Variants in GSK3B observed in about 807,000 individuals in gnomAD.
GSK3B encodes the protein glycogen synthase kinase 3 beta.
In GSK3B, 15 loss-of-function variants were observed where a neutral mutation model predicts 56.4. That is an observed-to-expected ratio of 0.27 (90% CI 0.18 to 0.41). GSK3B has a LOEUF of 0.41. GSK3B is among the 10% of genes least tolerant of loss of function. GSK3B has a pLI of 1.00. For missense variants in GSK3B, 300 were observed against 513.4 expected, an observed-to-expected ratio of 0.58 and a Z score of 4.02; for synonymous variants, 181 against 188.9, an observed-to-expected ratio of 0.96 and a Z score of 0.34.
intron 2 of GSK3B, among the ~76,000 whole-genome samples, chr3:119,994,726 T>C (rs1026171842): frequency 3.9e-5 from 6 of 152,264 alleles, no homozygotes; most frequent in African/African-American, 1.2e-4. Context: ...TCCTATACTG[T>C]TCAAAAACAT....
At chr3:119,831,539 C>A (rs1481406556) in intron 10 of GSK3B, among the ~76,000 whole-genome samples, 1 of 151,758 alleles carries the variant, frequency 6.6e-6, no homozygotes, top group African/African-American at 2.4e-5. Context: ...CGCCTGTAGT[C>A]CCAGCTATTC....
At chr3:119,950,921 T>C (rs771732533) in intron 2 of GSK3B, among the ~76,000 whole-genome samples, 32 of 152,174 alleles carry the variant, frequency 2.1e-4, no homozygotes, top group Non-Finnish European at 3.8e-4. Flanking sequence ...CAGAGGGCTA[T>C]GGTCATTTAG....
intron 4 of GSK3B, among the ~76,000 whole-genome samples, chr3:119,921,656 T>C (rs561837218): frequency 6.6e-6 from 1 of 152,230 alleles, no homozygotes; most frequent in South Asian, 2.1e-4. Flanking sequence ...AGAGAACCTA[T>C]GGATTAAAAG....
intron 10 of GSK3B, among the ~76,000 whole-genome samples, chr3:119,831,754 A>G (rs1483203646): frequency 2.0e-5 from 3 of 152,232 alleles, no homozygotes; most frequent in East Asian, 3.8e-4. Flanking sequence ...GTACAGAGAT[A>G]TAAGTGCTCT....
At chr3:120,006,481 C>A (rs6796550) in intron 1 of GSK3B, among the ~76,000 whole-genome samples, 2 of 151,980 alleles carry the variant, frequency 1.3e-5, no homozygotes, top group African/African-American at 4.8e-5. Context: ...GCACCACATC[C>A]CACTTATTCT....
intron 10 of GSK3B, among the ~76,000 whole-genome samples, chr3:119,839,120 T>C (rs1559802858): frequency 6.6e-6 from 1 of 152,228 alleles, no homozygotes; most frequent in South Asian, 2.1e-4. Flanking sequence ...TTCCCAGAAT[T>C]AGCACAGTAT....
intron 1 of GSK3B, among the ~76,000 whole-genome samples, chr3:120,042,349 A>G (rs1304591060): frequency 6.6e-6 from 1 of 152,196 alleles, no homozygotes; most frequent in East Asian, 1.9e-4. Flanking sequence ...AACCTGCATC[A>G]AAGGACTCAT....
intron 2 of GSK3B, among the ~76,000 whole-genome samples, chr3:119,953,425 T>C (rs1056820596): frequency 2.0e-5 from 3 of 151,948 alleles, no homozygotes; most frequent in African/African-American, 2.4e-5. Context: ...CTATAATCTA[T>C]CCCTAGGAAT....
At chr3:119,922,145 G>A (rs867263514) in intron 4 of GSK3B, among the ~76,000 whole-genome samples, 46 of 150,050 alleles carry the variant, frequency 3.1e-4, no homozygotes, top group African/African-American at 1.1e-3. Flanking sequence ...AGGAAGGAAG[G>A]AAGGAGGTAG....
At chr3:119,978,904 A>T (rs562424121) in intron 2 of GSK3B, among the ~76,000 whole-genome samples, 17 of 152,306 alleles carry the variant, frequency 1.1e-4, no homozygotes, top group Admixed American at 3.3e-4. Flanking sequence ...TCTCAGCTTG[A>T]TGACTGTCCT....
intron 3 of GSK3B, among the ~76,000 whole-genome samples, chr3:119,939,754 T>C (rs1445478634): frequency 6.6e-6 from 1 of 152,116 alleles, no homozygotes; most frequent in Non-Finnish European, 1.5e-5. Context: ...CATCCAGGTT[T>C]CTTATTTTAA....
chr3:120,081,283 G>A (rs1024054397), intron 1 of GSK3B, among the ~76,000 whole-genome samples: 3 of 150,534 alleles, frequency 2.0e-5, no homozygotes, highest in Non-Finnish European at 3.0e-5. Flanking sequence ...GGTCGGGCAC[G>A]GTGGCTCACA....
intron 7 of GSK3B, among the ~76,000 whole-genome samples, chr3:119,881,218 C>A (rs987240098): frequency 6.6e-6 from 1 of 152,136 alleles, no homozygotes; most frequent in Non-Finnish European, 1.5e-5. Flanking sequence ...ATGCACACAA[C>A]ATGACTGCCT....
chr3:120,076,174 G>A (rs1576312416), intron 1 of GSK3B, among the ~76,000 whole-genome samples: 1 of 152,092 alleles, frequency 6.6e-6, no homozygotes, highest in Non-Finnish European at 1.5e-5. Context: ...TAATGAAACT[G>A]AATCCTCATC....
At chr3:120,027,786 G>A (rs11919783) in intron 1 of GSK3B, among the ~76,000 whole-genome samples, 12,990 of 152,176 alleles carry the variant, frequency 0.085, 689 homozygotes, top group Non-Finnish European at 0.11. Flanking sequence ...GTTTTCTCTA[G>A]ATAGTGAGAA....
At chr3:120,030,601 C>G (rs1350934800) in intron 1 of GSK3B, among the ~76,000 whole-genome samples, 1 of 152,182 alleles carries the variant, frequency 6.6e-6, no homozygotes, top group African/African-American at 2.4e-5. Flanking sequence ...CACCTCAGGA[C>G]TTTTTCACAT....
At chr3:120,041,322 G>A (rs558063338) in intron 1 of GSK3B, 45 of 302,448 alleles carry the variant, frequency 1.5e-4, no homozygotes, top group South Asian at 1.0e-3. Flanking sequence ...TATATCCACC[G>A]GCATTTATTG....
At chr3:119,911,065 T>C (rs892477999) in intron 6 of GSK3B, among the ~76,000 whole-genome samples, 1 of 152,154 alleles carries the variant, frequency 6.6e-6, no homozygotes, top group African/African-American at 2.4e-5. Flanking sequence ...TCCAAAATGT[T>C]GTTCATGTGA....
intron 7 of GSK3B, among the ~76,000 whole-genome samples, chr3:119,902,123 C>G (rs988487376): frequency 2.0e-5 from 3 of 152,114 alleles, no homozygotes; most frequent in African/African-American, 7.2e-5. Flanking sequence ...AATTTCAAAT[C>G]TATTCTTAAA....
Sources: gnomAD v4.1 joint callset for allele counts (sites outside exome capture counted in the v4.1 genomes callset) on GRCh38, gnomAD v4.1.1 for gene constraint, MANE v1.5 for transcripts, NCBI Gene and HGNC (gene_info 2026-07-23, HGNC 2026-07-21) for gene names.